The following VPS13B variants were observed in gnomAD, a reference collection of about 807,000 sequenced individuals.
The protein encoded by VPS13B is intermembrane lipid transfer protein VPS13B.
A neutral mutation model predicts 426.4 loss-of-function variants in VPS13B; 285 were observed. The observed-to-expected ratio is 0.67, with a 90% CI of 0.61 to 0.74. The LOEUF (loss-of-function observed/expected upper bound fraction) is 0.74. Ranked by LOEUF, VPS13B falls within the 30% of genes least tolerant of loss-of-function variation. The probability of loss-of-function intolerance (pLI) is 0.00; values close to 1 mark genes in which losing one functional copy is unlikely to be tolerated. For synonymous variants in VPS13B, 1,676 were observed against 1,676.4 expected, an observed-to-expected ratio of 1.00 and a Z score of 0.01; for missense variants, 4,537 against 4,782.6, an observed-to-expected ratio of 0.95 and a Z score of 1.51.
intron 23 of VPS13B, among the ~76,000 whole-genome samples, chr8:99,456,242 C>T (rs572973357): frequency 3.3e-5 from 5 of 152,280 alleles, no homozygotes; most frequent in African/African-American, 4.8e-5. Context: ...AATCTCGGCT[C>T]ACTGCAACCT....
rs186985071 is a variant in VPS13B at position 99,666,248 on chromosome 8, A to T, written c.6046+4757A>T. Among the ~76,000 whole-genome samples, 229 of 152,286 alleles carry T rather than the reference A, an allele frequency of 1.5e-3. 2 individuals carry two copies. Among genetic ancestry groups the T allele is most frequent in the Non-Finnish European group, 2.6e-3 (178 of 68,016 alleles). On this transcript the variant is annotated intron_variant, in intron 35 of 61. Transcript: ENST00000357162. ...AGAGGTACAAGGAGGAGCTGGTACC[A>T]TTCCTTCTGAAACTATTCCAATCAG... is the stretch of plus-strand genomic sequence containing the variant.
At chr8:99,059,400 C>T (rs115087914) in intron 3 of VPS13B, among the ~76,000 whole-genome samples, 95 of 152,258 alleles carry the variant, frequency 6.2e-4, no homozygotes, top group African/African-American at 2.1e-3. Context: ...GTCTCAAACT[C>T]CTGAGCTCTT....
At chr8:99,492,391 T>C (rs1563759043) in intron 25 of VPS13B, among the ~76,000 whole-genome samples, 1 of 152,236 alleles carries the variant, frequency 6.6e-6, no homozygotes, top group East Asian at 1.9e-4. Context: ...GAACCACCAC[T>C]CTCTTTAGAG....
At chr8:99,209,651 C>A in intron 17 of VPS13B, 1 of 677,736 alleles carries the variant, frequency 1.5e-6, no homozygotes, top group Non-Finnish European at 1.9e-6. Flanking sequence ...AAATGATCCT[C>A]CCACCTCAAC....
At chr8:99,720,116 T>G (rs1833077750) in intron 37 of VPS13B, among the ~76,000 whole-genome samples, 1 of 152,206 alleles carries the variant, frequency 6.6e-6, no homozygotes, top group Non-Finnish European at 1.5e-5. Context: ...ATTTAAAATT[T>G]ATTGTTATTC....
In VPS13B at chr8:99,391,678, G is replaced by A. The variant is rs992201662; in HGVS notation, c.3056G>A (p.Ser1019Asn). The change falls in exon 21 of 62, where the codon AGC becomes AAC. Residue 1019 changes from serine (S) to asparagine (N), a missense_variant. By Grantham distance (46) the Ser-to-Asn change is conservative (BLOSUM62 1). Coordinates refer to ENST00000357162, the MANE Select transcript of VPS13B (RefSeq NM_152564.5). ...QSYQASEYAS[S>N]PVKTKTVTES... is the part of the protein sequence containing the mutation. Reference sequence around the variant, plus strand: ...TATCAGGCCTCTGAATATGCCAGCAGCCCTGTAAAAACAAAAACGGTAACA... The same window carrying A: ...TATCAGGCCTCTGAATATGCCAGCAACCCTGTAAAAACAAAAACGGTAACA... 2 of 1,613,992 alleles carry A rather than the reference G, an allele frequency of 1.2e-6. No individual in the cohort carries two copies. Among genetic ancestry groups the A allele is most frequent in the Non-Finnish European group, 1.7e-6 (2 of 1,180,028 alleles).
chr8:99,162,798 C>A (rs952593315), intron 15 of VPS13B, among the ~76,000 whole-genome samples: 4 of 152,110 alleles, frequency 2.6e-5, no homozygotes, highest in African/African-American at 7.2e-5. Context: ...AACAAAGCTT[C>A]CACAGTGTGG....
intron 19 of VPS13B, among the ~76,000 whole-genome samples, chr8:99,359,312 A>C (rs939052015): frequency 6.6e-6 from 1 of 152,106 alleles, no homozygotes; most frequent in Admixed American, 6.5e-5. Flanking sequence ...TACTTTGAAC[A>C]GTTGGTTCCT....
chr8:99,234,246 C>G (rs911492684), intron 17 of VPS13B: 2 of 772,006 alleles, frequency 2.6e-6, no homozygotes, highest in African/African-American at 1.7e-5. Context: ...TTTGCTTCTT[C>G]CCTTGTTGCA....
intron 30 of VPS13B, among the ~76,000 whole-genome samples, chr8:99,522,834 A>G (rs1385033612): frequency 6.6e-6 from 1 of 152,242 alleles, no homozygotes; most frequent in Non-Finnish European, 1.5e-5. Flanking sequence ...TCAAAAATGT[A>G]TCAAGATCTC....
At chr8:99,871,397 G>T in intron 60 of VPS13B, 51 bp from the exon 61 acceptor site, 2 of 1,613,024 alleles carry the variant, frequency 1.2e-6, no homozygotes, top group South Asian at 2.2e-5. Flanking sequence ...ACTGATAAGT[G>T]ACCATCTTTT....
At chr8:99,018,551 A>G (rs2132142502) in intron 2 of VPS13B, among the ~76,000 whole-genome samples, 1 of 152,332 alleles carries the variant, frequency 6.6e-6, no homozygotes, top group South Asian at 2.1e-4. Flanking sequence ...GCAAATAATG[A>G]CAGTTTTACA....
At chr8:99,478,447 G>GTTTTGTTT (rs1819822769) in intron 24 of VPS13B, among the ~76,000 whole-genome samples, 1 of 85,778 alleles carries the variant, frequency 1.2e-5, no homozygotes, top group Non-Finnish European at 2.1e-5. Flanking sequence ...TTTTTGTTTT[G>GTTTTGTTT]TTTTTTTTTT....
At chr8:99,352,432 A>G (rs1811941732) in intron 19 of VPS13B, among the ~76,000 whole-genome samples, 1 of 152,196 alleles carries the variant, frequency 6.6e-6, no homozygotes, top group African/African-American at 2.4e-5. Flanking sequence ...AAATAGTCCC[A>G]TAGAGATTAT....
Position 99,642,067 on chromosome 8 carries a change from A to G in VPS13B, c.5477A>G (p.Tyr1826Cys), listed in dbSNP as rs1829391353. Residue 1826 changes from tyrosine to cysteine, a missense_variant, in exon 34 of 62, where the codon TAT becomes TGT. This residue lies in a region of VPS13B where 4,311 missense variants were observed against 4,474.3 expected (regional missense o/e 0.96). Coordinates refer to ENST00000357162, the MANE Select transcript of VPS13B (RefSeq NM_152564.5). ...ITASRISLMT[Y>C]SCMALSKSKS... ...GCAAGTAGAATCTCACTAATGACCT[A>G]TTCCTGTATGGCCTTATCCAAATCG... 6.2e-7 allele frequency: 1 copy of G among 1,614,128 alleles called. No individual in the cohort carries two copies. Among genetic ancestry groups the G allele is most frequent in the Non-Finnish European group, 8.5e-7 (1 of 1,180,010 alleles).
At chr8:99,106,532 A>C (rs1221484953) in intron 5 of VPS13B, among the ~76,000 whole-genome samples, 1 of 151,838 alleles carries the variant, frequency 6.6e-6, no homozygotes, top group Non-Finnish European at 1.5e-5. Context: ...TGTAACCACC[A>C]CCAAGCTCAA....
chr8:99,507,323 C>G, intron 28 of VPS13B, 120 bp downstream of exon 28: 1 of 1,059,292 alleles, frequency 9.4e-7, no homozygotes, highest in Non-Finnish European at 1.4e-6. Context: ...TCTTATTAGC[C>G]TGTTTCTTCA....
rs916252985 is a variant in VPS13B at position 99,112,505 on chromosome 8, G to T, written c.762+1226G>T. On this transcript the variant is annotated intron_variant, in intron 6 of 61. Transcript: ENST00000357162. ...ACCTGTGTTTTACTTTTTTCCACAC[G>T]GTGTATAATGCATATTGGTTTGTTT... Among the ~76,000 whole-genome samples the T allele has an allele frequency of 2.6e-5, 4 of 151,560 alleles. No individual in the cohort carries two copies. The South Asian group carries it at 8.3e-4, about 32-fold the overall frequency.
intron 39 of VPS13B, among the ~76,000 whole-genome samples, chr8:99,733,864 T>C (rs1185407816): frequency 1.3e-5 from 2 of 152,210 alleles, no homozygotes; most frequent in Non-Finnish European, 2.9e-5. Flanking sequence ...AGCAGCTTTA[T>C]TGAGATATAA....
Sources: gnomAD v4.1 joint callset for allele counts (sites outside exome capture counted in the v4.1 genomes callset) on GRCh38, gnomAD v4.1.1 for gene constraint, gnomAD v4.1.1 regional missense constraint, MANE v1.5 for transcripts, NCBI Gene and HGNC (gene_info 2026-07-23, HGNC 2026-07-21) for gene names.